FASTKD1: variants seen among roughly 807,000 people sequenced by gnomAD.
FASTKD1 encodes FAST kinase domain-containing protein 1, mitochondrial.
FASTKD1 carries 94 observed loss-of-function variants against 90.9 expected under a neutral mutation model. That is an observed-to-expected ratio of 1.03 (90% CI 0.88 to 1.23). The LOEUF (loss-of-function observed/expected upper bound fraction) is 1.23, where lower values mean the gene tolerates loss of function less well. FASTKD1 is among the 50% of genes most tolerant of loss of function. The probability of loss-of-function intolerance (pLI) is 0.00; values close to 1 mark genes in which losing one functional copy is unlikely to be tolerated. For synonymous variants in FASTKD1, 319 were observed against 345.8 expected (o/e 0.92, Z 0.86); for missense variants, 945 against 993.5 (o/e 0.95, Z 0.66).
chr2:169,555,039 T>G, intron 7 of FASTKD1, 85 bp downstream of exon 7: 1 of 1,316,572 alleles, frequency 7.6e-7, no homozygotes, highest in Non-Finnish European at 1.0e-6. Context: ...CTCCATAACT[T>G]CTAGCACCAC....
Position 169,530,571 on chromosome 2 carries a change from C to T in FASTKD1, c.2442+16G>A, listed in dbSNP as rs776055183. The T allele has an allele frequency of 6.8e-6, 10 of 1,460,576 alleles. No individual in the cohort carries two copies. The highest frequency in any genetic ancestry group is 2.8e-5 in the African/African-American group (2 of 70,904). 90.5% of individuals were successfully genotyped at this position (1,460,576 alleles called of 1,614,324 possible). On this transcript the variant is annotated intron_variant, in intron 14 of 14. Coordinates refer to ENST00000453153, the MANE Select transcript of FASTKD1 (RefSeq NM_024622.6). ...TCTGGGCTTTTTAGAGGCTGAATTA[C>T]ATGAGTATTTCATACCTGAATTACA...
chr2:169,540,120 A>T lies in FASTKD1; in HGVS notation c.1876T>A (p.Phe626Ile), dbSNP rs1684902626. 1.9e-6 allele frequency: 3 copies of T among 1,610,192 alleles called. No individual in the cohort carries two copies. In the South Asian group the frequency reaches 3.3e-5, roughly 18 times the overall value. The change falls in exon 10 of 15, where the codon TTT becomes ATT. Residue 626 changes from phenylalanine to isoleucine, a missense_variant. Coordinates refer to ENST00000453153, the MANE Select transcript of FASTKD1 (RefSeq NM_024622.6). ...LGFSLATLEY[F>I]PEDLLKAIFN... is the part of the protein sequence containing the mutation. ...ATTGCCTTTAGCAGATCTTCTGGAAAATATTCAAGTGTGGCCAAAGAGAAA... is the reference window on the plus strand; with the variant it reads ...ATTGCCTTTAGCAGATCTTCTGGAATATATTCAAGTGTGGCCAAAGAGAAA...
chr2:169,562,069 TAA>T (rs1197631743), intron 4 of FASTKD1, among the ~76,000 whole-genome samples: 1 of 131,636 alleles, frequency 7.6e-6, no homozygotes, highest in East Asian at 2.0e-4. Flanking sequence ...TAATTTATTG[TAA>T]AATAATTATT....
At chr2:169,561,128 T>C (rs1683577322) in intron 4 of FASTKD1, among the ~76,000 whole-genome samples, 1 of 151,434 alleles carries the variant, frequency 6.6e-6, no homozygotes, top group Admixed American at 6.6e-5. Flanking sequence ...TGAAACCCCA[T>C]CTCCACTAAA....
At chr2:169,555,374 T>C (rs1024430917) in intron 6 of FASTKD1, 119 bp from the exon 7 acceptor site, 15 of 784,452 alleles carry the variant, frequency 1.9e-5, no homozygotes, top group Non-Finnish European at 3.0e-5. Flanking sequence ...TGAGATGAGA[T>C]TCTCTATTCT....
At chr2:169,544,502 C>T (rs1212763433) in intron 9 of FASTKD1, among the ~76,000 whole-genome samples, 1 of 152,104 alleles carries the variant, frequency 6.6e-6, no homozygotes, top group Non-Finnish European at 1.5e-5. Flanking sequence ...ACCCAGGAGA[C>T]AGAGGTTGCA....
intron 9 of FASTKD1, among the ~76,000 whole-genome samples, chr2:169,541,137 C>G (rs1684940127): frequency 6.6e-6 from 1 of 152,132 alleles, no homozygotes; most frequent in Admixed American, 6.5e-5. Context: ...ACCAGCAAAA[C>G]TAATCTGTCA....
At chr2:169,564,219 A>C (rs1014867705) in intron 3 of FASTKD1, among the ~76,000 whole-genome samples, 1 of 152,178 alleles carries the variant, frequency 6.6e-6, no homozygotes, top group Non-Finnish European at 1.5e-5. Context: ...CTTACTCAGA[A>C]ACTGATTTAA....
chr2:169,555,304 C>T (rs1683250255), intron 6 of FASTKD1, 49 bp from the exon 7 acceptor site: 2 of 1,506,978 alleles, frequency 1.3e-6, no homozygotes, highest in Admixed American at 1.9e-5. Context: ...ATTTATTACA[C>T]ATTTACTATG....
At chr2:169,560,863 T>G (rs1474695261) in intron 4 of FASTKD1, 78 bp from the exon 5 acceptor site, 3 of 1,061,964 alleles carry the variant, frequency 2.8e-6, no homozygotes, top group Non-Finnish European at 3.8e-6. Flanking sequence ...TTTTTTTTTT[T>G]GTAGAAACAG....
chr2:169,542,351 G>A (rs1283516509), intron 9 of FASTKD1, among the ~76,000 whole-genome samples: 2 of 152,244 alleles, frequency 1.3e-5, no homozygotes, highest in Non-Finnish European at 2.9e-5. Flanking sequence ...ATACTGACAA[G>A]TACATAGTGT....
chr2:169,567,859 A>C (rs768061739), intron 3 of FASTKD1, among the ~76,000 whole-genome samples: 14 of 152,124 alleles, frequency 9.2e-5, no homozygotes, highest in Admixed American at 7.9e-4. Context: ...TTATTCCACT[A>C]ACAATAGACT....
At position 169,546,445 on chromosome 2, in the gene FASTKD1, G is replaced by A; in HGVS notation, c.1474C>T (p.Gln492Ter). Residue 492 changes from glutamine (Q) to a stop codon, truncating the protein, a stop_gained, in exon 8 of 15, where the codon CAA (glutamine) becomes TAA (stop). Transcript: ENST00000453153. LOFTEE classifies it high-confidence loss of function. ...KLDHYGRQRL[Q>*]HSNSLDLLRK... ...AACAGATCCAAACTGTTGCTGTGTT[G>A]TAGTCTCTGACGACCATAGTGATCT... is the stretch of plus-strand genomic sequence containing the variant. 6.2e-7 allele frequency: 1 copy of A among 1,614,162 alleles called. No homozygotes were observed.
In FASTKD1 at chr2:169,546,496, T is replaced by A; in HGVS notation, c.1423A>T (p.Lys475Ter). Residue 475 changes from lysine to a stop codon, truncating the protein, a stop_gained, in exon 8 of 15, where the codon AAA becomes TAA. Transcript: ENST00000453153. LOFTEE classifies it high-confidence loss of function. Reference protein sequence around the residue: ...DHMYLDNMTAKQLKLLQKLDH... With the variant: ...DHMYLDNMTA ...AATTTTTGAAGTAGTTTCAGTTGTT[T>A]CGCAGTCATATTATCCAAATACATG... 6.2e-7 allele frequency: 1 copy of A among 1,614,206 alleles called. No homozygotes were observed. The highest frequency in any genetic ancestry group is 8.5e-7 in the Non-Finnish European group (1 of 1,180,036).
chr2:169,555,841 T>C (rs1430628117), intron 6 of FASTKD1, among the ~76,000 whole-genome samples: 1 of 152,238 alleles, frequency 6.6e-6, no homozygotes, highest in Non-Finnish European at 1.5e-5. Context: ...AATGGCAGTA[T>C]GACTTCAAGG....
intron 3 of FASTKD1, among the ~76,000 whole-genome samples, chr2:169,563,571 A>G (rs1169091969): frequency 6.6e-6 from 1 of 152,166 alleles, no homozygotes; most frequent in Admixed American, 6.6e-5. Flanking sequence ...TGAATGATTT[A>G]CTTAATTTTT....
chr2:169,569,138 C>T (rs772947369), intron 3 of FASTKD1, 46 bp downstream of exon 3: 70 of 1,520,006 alleles, frequency 4.6e-5, no homozygotes, highest in Non-Finnish European at 6.4e-5. Context: ...TCTGTTAACC[C>T]TGAAAAGAAT....
Position 169,529,464 on chromosome 2 carries a change from TTC to T in FASTKD1, c.*359_*360del, listed in dbSNP as rs1266048552. Among the ~76,000 whole-genome samples, 3 of 152,230 alleles carry T rather than the reference TTC, an allele frequency of 2.0e-5. No individual in the cohort carries two copies. The highest frequency in any genetic ancestry group is 7.2e-5 in the African/African-American group (3 of 41,456). ...TATTGCAATGACCTCGTAAAGAGTTTTCTTTCTTACACATTTGCCTCATCGTA... is the reference window on the plus strand; with the variant it reads ...TATTGCAATGACCTCGTAAAGAGTTTTTTCTTACACATTTGCCTCATCGTA... On this transcript the variant is annotated 3_prime_UTR_variant, in exon 15 of 15. Transcript: ENST00000453153.
At chr2:169,546,976 C>T (rs1685236282) in intron 7 of FASTKD1, among the ~76,000 whole-genome samples, 1 of 152,096 alleles carries the variant, frequency 6.6e-6, no homozygotes, top group Non-Finnish European at 1.5e-5. Context: ...AGTGTCAGAT[C>T]CCACAGGTTG....
Sources: allele counts gnomAD v4.1 joint callset (sites outside exome capture counted in the v4.1 genomes callset), GRCh38; gene constraint gnomAD v4.1.1; transcripts MANE v1.5; gene names NCBI Gene and HGNC (gene_info 2026-07-23, HGNC 2026-07-21).